HIPK2: variants seen among roughly 807,000 people sequenced by gnomAD.
HIPK2 encodes homeodomain-interacting protein kinase 2.
A neutral mutation model predicts 113.7 loss-of-function variants in HIPK2; 27 were observed. The ratio of observed to expected loss-of-function variants is 0.24; its 90% CI spans 0.17 to 0.33. The LOEUF is 0.33. HIPK2 is among the 10% of genes least tolerant of loss of function. HIPK2 has a pLI of 1.00. For synonymous variants in HIPK2, 631 were observed against 642.2 expected (o/e 0.98, Z 0.26); for missense variants, 1,257 against 1,588.0 (o/e 0.79, Z 3.54).
chr7:139,616,427 C>A (rs1800045721), intron 7 of HIPK2, among the ~76,000 whole-genome samples: 1 of 152,170 alleles, frequency 6.6e-6, no homozygotes, highest in Non-Finnish European at 1.5e-5. Context: ...GCCCTGTTTT[C>A]CCTGGTTTGG....
intron 1 of HIPK2, among the ~76,000 whole-genome samples, chr7:139,740,459 C>T (rs1796067835): frequency 6.6e-6 from 1 of 152,196 alleles, no homozygotes; most frequent in Non-Finnish European, 1.5e-5. Flanking sequence ...CTCTCTCTAC[C>T]GTCCCTCACC....
intron 1 of HIPK2, among the ~76,000 whole-genome samples, chr7:139,718,838 C>T (rs1330333340): frequency 6.6e-6 from 1 of 152,142 alleles, no homozygotes; most frequent in South Asian, 2.1e-4. Context: ...TTAATTCTTT[C>T]CCTCCTCTCA....
chr7:139,713,465 C>T (rs1569479178), intron 2 of HIPK2, among the ~76,000 whole-genome samples: 1 of 152,164 alleles, frequency 6.6e-6, no homozygotes, highest in Non-Finnish European at 1.5e-5. Context: ...GGGAGGGCTC[C>T]AGGAAGCGTC....
Position 139,716,179 on chromosome 7 carries a change from CAT to C in HIPK2, c.854_855del (p.Tyr285Ter). Reference protein sequence around the residue: ...LVFEMLEQNLYDFLKQNKFSP... With the variant: ...LVFEMLEQNLXDFLKQNKFSP... ...CTAAACTTGTTTTGCTTCAGAAAGT[CAT>C]AGAGGTTCTGCTCCAACATCTCGAA... On this transcript the variant is annotated frameshift_variant, in exon 2 of 15. Coordinates refer to ENST00000406875, the MANE Select transcript of HIPK2 (RefSeq NM_022740.5). LOFTEE classifies it high-confidence loss of function. This position sits in a 1 kb window ranked among gnomAD's most constrained non-coding sequence, Gnocchi z 9.3. The C allele has an allele frequency of 6.2e-7, 1 of 1,614,018 alleles. No individual in the cohort carries two copies. Among genetic ancestry groups the C allele is most frequent in the South Asian group, 1.1e-5 (1 of 91,088 alleles).
At chr7:139,672,776 T>A (rs1802350386) in intron 2 of HIPK2, among the ~76,000 whole-genome samples, 2 of 152,232 alleles carry the variant, frequency 1.3e-5, no homozygotes, top group South Asian at 4.1e-4. Flanking sequence ...AACATTTTTA[T>A]TCACTTCTGG....
At chr7:139,595,481 C>G (rs775971304) in intron 12 of HIPK2, among the ~76,000 whole-genome samples, 5 of 152,228 alleles carry the variant, frequency 3.3e-5, no homozygotes, top group Non-Finnish European at 5.9e-5. Context: ...CCAAAGTATT[C>G]AGTGCTATGC....
At chr7:139,632,092 A>G (rs943688065) in intron 2 of HIPK2, among the ~76,000 whole-genome samples, 1 of 152,264 alleles carries the variant, frequency 6.6e-6, no homozygotes, top group African/African-American at 2.4e-5. Context: ...ACTAATCTTC[A>G]GAGAATGCCT....
chr7:139,746,144 T>C (rs1276340489), intron 1 of HIPK2, among the ~76,000 whole-genome samples: 1 of 152,214 alleles, frequency 6.6e-6, no homozygotes, highest in Non-Finnish European at 1.5e-5. Flanking sequence ...CTCCATCTGC[T>C]GATGGCTACT....
chr7:139,766,068 A>C (rs182764907), intron 1 of HIPK2, among the ~76,000 whole-genome samples: 1 of 152,280 alleles, frequency 6.6e-6, no homozygotes, highest in East Asian at 1.9e-4. Context: ...TCTAGGAGGG[A>C]TGAGGAAGAG....
intron 13 of HIPK2, among the ~76,000 whole-genome samples, chr7:139,583,339 C>T (rs1316386249): frequency 3.3e-5 from 5 of 152,180 alleles, no homozygotes; most frequent in Non-Finnish European, 5.9e-5. Flanking sequence ...GGCTTGGTCT[C>T]GCCGCCCAGC....
intron 13 of HIPK2, among the ~76,000 whole-genome samples, chr7:139,578,150 C>T (rs1569442859): frequency 7.2e-5 from 11 of 152,174 alleles, no homozygotes. Context: ...GCTGGGACTA[C>T]AGGCGCCCAC....
At chr7:139,660,705 T>C (rs1801838236) in intron 2 of HIPK2, among the ~76,000 whole-genome samples, 1 of 152,184 alleles carries the variant, frequency 6.6e-6, no homozygotes, top group South Asian at 2.1e-4. Context: ...TTGAGGCTAG[T>C]GCTGAGAATG....
chr7:139,582,040 G>A (rs537787026), intron 13 of HIPK2, among the ~76,000 whole-genome samples: 3 of 152,286 alleles, frequency 2.0e-5, no homozygotes, highest in Admixed American at 6.5e-5. Flanking sequence ...CCTGGCTCCC[G>A]GGAATGACTT....
chr7:139,767,773 A>T (rs1330899227), intron 1 of HIPK2, among the ~76,000 whole-genome samples: 1 of 152,264 alleles, frequency 6.6e-6, no homozygotes, highest in African/African-American at 2.4e-5. Flanking sequence ...TATAAACAGG[A>T]AACATTTCAA....
chr7:139,562,889 A>AGT lies in HIPK2; in HGVS notation c.*10036_*10037dup, dbSNP rs1383595662. 1 of 152,224 alleles carries AGT rather than the reference A, an allele frequency of 6.6e-6. No homozygotes were observed. The highest frequency in any genetic ancestry group is 1.5e-5 in the Non-Finnish European group (1 of 68,050). 9.4% of individuals were successfully genotyped at this position (152,224 alleles called of 1,614,324 possible). On this transcript the variant is annotated 3_prime_UTR_variant, in exon 15 of 15. Transcript: ENST00000406875. ...TATATATCAACATCTATCTCTATAC[A>AGT]GTGATTCTACTAAATTAGAAATTCT...
chr7:139,593,576 C>T (rs918495774), intron 12 of HIPK2, among the ~76,000 whole-genome samples: 2 of 152,140 alleles, frequency 1.3e-5, no homozygotes, highest in Non-Finnish European at 2.9e-5. Context: ...GTCTAAAAGC[C>T]CCTTTGGTGG....
intron 1 of HIPK2, among the ~76,000 whole-genome samples, chr7:139,725,887 G>C (rs888169930): frequency 7.2e-5 from 11 of 152,182 alleles, no homozygotes; most frequent in African/African-American, 2.7e-4. Context: ...CCAAATCCAT[G>C]CCACCAGCCA....
chr7:139,732,882 T>C (rs1795837513), intron 1 of HIPK2, among the ~76,000 whole-genome samples: 1 of 150,158 alleles, frequency 6.7e-6, no homozygotes. Context: ...TGGATCAGTG[T>C]CCCCACCCAA....
intron 1 of HIPK2, among the ~76,000 whole-genome samples, chr7:139,735,813 C>T (rs569837394): frequency 2.0e-5 from 3 of 152,150 alleles, no homozygotes; most frequent in Admixed American, 6.5e-5. Context: ...ACAGATGAGA[C>T]CCATTTTTAT....
Sources: allele counts gnomAD v4.1 joint callset (sites outside exome capture counted in the v4.1 genomes callset), GRCh38; gene constraint gnomAD v4.1.1; non-coding constraint Gnocchi (gnomAD v3.1); transcripts MANE v1.5; gene names NCBI Gene and HGNC (gene_info 2026-07-23, HGNC 2026-07-21).